Variants in PTCH2 observed in about 807,000 individuals in gnomAD.
The protein encoded by PTCH2 is protein patched homolog 2.
In PTCH2, 96 loss-of-function variants were observed where a neutral mutation model predicts 117.9. That is an observed-to-expected ratio of 0.81 (90% CI 0.69 to 0.96). The LOEUF (loss-of-function observed/expected upper bound fraction) is 0.96. PTCH2 is among the 50% of genes least tolerant of loss of function. PTCH2 has a pLI of 0.00. For missense variants in PTCH2, 1,379 were observed against 1,562.5 expected, an observed-to-expected ratio of 0.88 and a Z score of 1.98; for synonymous variants, 615 against 660.9, an observed-to-expected ratio of 0.93 and a Z score of 1.06.
intron 21 of PTCH2, 83 bp from the exon 22 acceptor site, chr1:44,822,752 A>C (rs1388872401): frequency 7.0e-7 from 1 of 1,431,920 alleles, no homozygotes; most frequent in Non-Finnish European, 9.8e-7. Flanking sequence ...GATTACCATG[A>C]CTGTTGGGAA....
chr1:44,841,718 G>A lies in PTCH2; in HGVS notation c.265+129C>T. 1.1e-5 allele frequency: 10 copies of A among 939,358 alleles called. No homozygotes were observed. The South Asian group carries it at 1.4e-4, about 13-fold the overall frequency. 58.2% of individuals were successfully genotyped at this position (939,358 alleles called of 1,614,324 possible). On this transcript the variant is annotated intron_variant, in intron 2 of 21. Coordinates refer to ENST00000372192, the MANE Select transcript of PTCH2 (RefSeq NM_003738.5). ...GGTGTTCCTAGATGCCCAGGTGTAG[G>A]ACTCTGGCCAGCAGGTGACCCTCCA... is the stretch of plus-strand genomic sequence containing the variant.
downstream of PTCH2, chr1:44,821,863 A>G (rs755875836): frequency 1.2e-5 from 16 of 1,365,496 alleles, no homozygotes; most frequent in South Asian, 6.8e-5. Context: ...GCACCAGAGA[A>G]GCTCCTTCCA....
intron 19 of PTCH2, among the ~76,000 whole-genome samples, chr1:44,824,195 G>A (rs1463657712): frequency 6.6e-6 from 1 of 152,220 alleles, no homozygotes; most frequent in Admixed American, 6.5e-5. Flanking sequence ...AGTGATAACA[G>A]TTACTTCTCA....
rs890458492 is a variant in PTCH2 at position 44,831,204 on chromosome 1, A to G, written c.618-161T>C. Among the ~76,000 whole-genome samples, 2 of 152,192 alleles carry G rather than the reference A, an allele frequency of 1.3e-5. No individual in the cohort carries two copies. The highest frequency in any genetic ancestry group is 2.9e-5 in the Non-Finnish European group (2 of 68,022). ...CAGCTTCTCAGAACTGCCAGGCTGC[A>G]TGGGCCCACCAGGGTGCTACAGTGA... On this transcript the variant is annotated intron_variant, in intron 5 of 21. Coordinates refer to ENST00000372192, the MANE Select transcript of PTCH2 (RefSeq NM_003738.5). The surrounding 1 kb of genome is among the most constrained non-coding windows in gnomAD (Gnocchi z 4.3).
Position 44,841,972 on chromosome 1 carries a change from AG to A in PTCH2, c.139del (p.Leu47TrpfsTer25). 2 of 1,614,236 alleles carry A rather than the reference AG, an allele frequency of 1.2e-6. No individual in the cohort carries two copies. The highest frequency in any genetic ancestry group is 1.7e-6 in the Non-Finnish European group (2 of 1,180,018). On this transcript the variant is annotated frameshift_variant, in exon 2 of 22. Transcript: ENST00000372192. LOFTEE classifies it high-confidence loss of function. ...ACAATGTCTCTGGATCCCGCATCCC[AG>A]AGAGAAGAGCAGGCCCTGGAAGTAA... Reference protein sequence around the residue: ...RAYFQGLLFSLGCGIQRHCGK... With the variant: ...RAYFQGLLFSXGCGIQRHCGK...
intron 2 of PTCH2, 25 bp from the exon 3 acceptor site, chr1:44,832,366 G>A (rs370259580): frequency 5.0e-6 from 8 of 1,611,962 alleles, no homozygotes; most frequent in South Asian, 3.3e-5. Context: ...AGAGAAAGCT[G>A]GGGGGGAAAG....
chr1:44,841,195 C>T (rs1237401500), intron 2 of PTCH2, among the ~76,000 whole-genome samples: 1 of 63,362 alleles, frequency 1.6e-5, no homozygotes, highest in Non-Finnish European at 3.5e-5. Context: ...AAAAAAACAA[C>T]CCCCCCCAAA....
At chr1:44,825,612 C>T (rs967073287) in intron 19 of PTCH2, among the ~76,000 whole-genome samples, 4 of 151,908 alleles carry the variant, frequency 2.6e-5, no homozygotes, top group East Asian at 3.9e-4. Context: ...CTGTAACCTC[C>T]GCCTCCTGGG....
At chr1:44,820,516 C>G (rs545293102), downstream of PTCH2, 6 of 679,666 alleles carry the variant, frequency 8.8e-6, no homozygotes, top group African/African-American at 3.5e-5. Flanking sequence ...AGATGGCATC[C>G]GATCCAATTC....
rs56024410 is a variant in PTCH2 at position 44,822,479 on chromosome 1, C to A, written c.3548G>T (p.Trp1183Leu). 5 of 1,613,824 alleles carry A rather than the reference C, an allele frequency of 3.1e-6. No homozygotes were observed. In the Admixed American group the frequency reaches 5.0e-5, roughly 16 times the overall value. ...GCCAGAGCTAGTGGCAGCAGGGGAC[C>A]AAGGGGGCTCATCAGGGGCTGGATG... ...YIHPAPDEPP[W>L]SPAATSSGNL... The change falls in exon 22 of 22, where the codon TGG (tryptophan) becomes TTG (leucine). Residue 1183 changes from tryptophan to leucine, a missense_variant. Transcript: ENST00000372192.
intron 6 of PTCH2, 27 bp from the exon 7 acceptor site, chr1:44,830,057 C>T (rs769874437): frequency 1.2e-6 from 2 of 1,612,652 alleles, no homozygotes; most frequent in Non-Finnish European, 1.7e-6. Context: ...GGGGTTAATG[C>T]TCAAGGCCCT....
chr1:44,825,830 G>GC (rs1191243413), intron 19 of PTCH2, among the ~76,000 whole-genome samples: 8 of 145,102 alleles, frequency 5.5e-5, no homozygotes, highest in African/African-American at 1.0e-4. Flanking sequence ...GAGCCACTGT[G>GC]CCCAGCCCAA....
chr1:44,841,701 T>A (rs567705132), intron 2 of PTCH2, 146 bp downstream of exon 2: 2 of 786,626 alleles, frequency 2.5e-6, no homozygotes, highest in South Asian at 3.0e-5. Context: ...ACGGTGTTCC[T>A]AGATGCCCAG....
At chr1:44,820,560 G>A, downstream of PTCH2, 1 of 674,414 alleles carries the variant, frequency 1.5e-6, no homozygotes, top group South Asian at 1.6e-5. Flanking sequence ...ACATCAAGGG[G>A]AGGTGAGAAA....
chr1:44,820,768 G>GT (rs1468185578), downstream of PTCH2: 1 of 716,506 alleles, frequency 1.4e-6, no homozygotes, highest in Non-Finnish European at 2.6e-6. Flanking sequence ...TACTCCGCTG[G>GT]TAAGTGGCAC....
At chr1:44,830,055 T>C in intron 6 of PTCH2, 25 bp from the exon 7 acceptor site, 1 of 1,612,914 alleles carries the variant, frequency 6.2e-7, no homozygotes, top group Non-Finnish European at 8.5e-7. Flanking sequence ...GAGGGGTTAA[T>C]GCTCAAGGCC....
At chr1:44,829,881 C>G (rs755587953) in intron 7 of PTCH2, 28 bp downstream of exon 7, 19 of 1,613,886 alleles carry the variant, frequency 1.2e-5, no homozygotes, top group Middle Eastern at 3.3e-4. Flanking sequence ...AACAGAGTCC[C>G]CTCACCAACT....
At chr1:44,837,473 C>T (rs1454483215) in intron 2 of PTCH2, among the ~76,000 whole-genome samples, 4 of 151,998 alleles carry the variant, frequency 2.6e-5, no homozygotes, top group Non-Finnish European at 5.9e-5. Context: ...AGGCTGGTCT[C>T]GAACTCCTGA....
chr1:44,834,346 C>T (rs768941548), intron 2 of PTCH2, among the ~76,000 whole-genome samples: 1 of 152,094 alleles, frequency 6.6e-6, no homozygotes, highest in East Asian at 1.9e-4. Context: ...TGATCTTGAA[C>T]TGCTGACCTC....
Sources: allele counts gnomAD v4.1 joint callset (sites outside exome capture counted in the v4.1 genomes callset), GRCh38; gene constraint gnomAD v4.1.1; non-coding constraint Gnocchi (gnomAD v3.1); transcripts MANE v1.5; gene names NCBI Gene and HGNC (gene_info 2026-07-23, HGNC 2026-07-21).